The following PKNOX1 variants were observed in gnomAD, a reference collection of about 807,000 sequenced individuals.
The protein encoded by PKNOX1 is homeobox protein PKNOX1.
Under a neutral mutation model 51.9 loss-of-function variants are expected in PKNOX1, and 15 were observed. That is an observed-to-expected ratio of 0.29 (90% CI 0.19 to 0.45). The LOEUF is 0.45. Among genes scored for constraint, PKNOX1 ranks in the 20% least tolerant of loss-of-function variants. PKNOX1 has a pLI of 1.00. For synonymous variants in PKNOX1, 219 were observed against 211.1 expected, an observed-to-expected ratio of 1.04 and a Z score of -0.32; for missense variants, 462 against 547.5, an observed-to-expected ratio of 0.84 and a Z score of 1.56.
rs1375221802 is a variant in PKNOX1, at chr21:43,031,517, T to C, written c.*1416T>C. ...GAGAGTGGGCTGGGTTCTGTTTTCT[T>C]TGGTTTTGATTTGTTTTCATTGTTT... On this transcript the variant is annotated 3_prime_UTR_variant, in exon 11 of 11. Transcript: ENST00000291547. 6.6e-6 allele frequency: 1 copy of C among 152,240 alleles called. No homozygotes were observed. Among genetic ancestry groups the C allele is most frequent in the African/African-American group, 2.4e-5 (1 of 41,464 alleles). The allele number at this position is 152,240 out of a possible 1,614,324, so 9.4% of individuals were successfully genotyped here. A position where few individuals can be genotyped will look rare whatever the true frequency, so the allele number is the denominator to read the frequency against.
At chr21:43,007,988 G>A (rs192101034) in intron 3 of PKNOX1, among the ~76,000 whole-genome samples, 6 of 151,470 alleles carry the variant, frequency 4.0e-5, no homozygotes, top group Non-Finnish European at 7.4e-5. Flanking sequence ...CACTTGAACC[G>A]GGGAGGCGGA....
chr21:43,011,698 T>C (rs747615565), intron 4 of PKNOX1, among the ~76,000 whole-genome samples: 1 of 152,226 alleles, frequency 6.6e-6, no homozygotes, highest in Non-Finnish European at 1.5e-5. Context: ...GTTAGGGCCT[T>C]CAACAGAAAA....
chr21:43,019,831 T>C (rs433510), intron 7 of PKNOX1, among the ~76,000 whole-genome samples: 135,760 of 151,686 alleles, frequency 0.9, 60,880 homozygotes, highest in Non-Finnish European at 0.92. Context: ...CGTGAGCTAC[T>C]GCACCCAGCT....
At chr21:43,015,011 C>T (rs1255918808) in intron 5 of PKNOX1, among the ~76,000 whole-genome samples, 1 of 152,246 alleles carries the variant, frequency 6.6e-6, no homozygotes, top group East Asian at 1.9e-4. Context: ...TGGCATGTCT[C>T]TCCATTGATT....
chr21:42,996,559 T>A (rs1444886358), intron 1 of PKNOX1, among the ~76,000 whole-genome samples: 2 of 151,668 alleles, frequency 1.3e-5, no homozygotes, highest in African/African-American at 4.9e-5. Context: ...AGTCTCACCA[T>A]GGACAGTTCT....
At chr21:43,001,757 G>T (rs954694264) in intron 1 of PKNOX1, among the ~76,000 whole-genome samples, 1 of 151,948 alleles carries the variant, frequency 6.6e-6, no homozygotes, top group Non-Finnish European at 1.5e-5. Flanking sequence ...TCAGGAGATC[G>T]AGACCGTCCT....
rs1190702034 is a variant in PKNOX1 at position 43,021,128 on chromosome 21, C to A, written c.721-175C>A. On this transcript the variant is annotated intron_variant, in intron 7 of 10. Coordinates refer to ENST00000291547, the MANE Select transcript of PKNOX1 (RefSeq NM_004571.5). The surrounding 1 kb of genome is among the most constrained non-coding windows in gnomAD (Gnocchi z 4.6). ...TGTCTCAAAAAAAAGAAAGGCTGGT[C>A]ATGTGGAGGGAGCCGTGTCCTGAAA... 8.6e-6 allele frequency: 4 copies of A among 464,444 alleles called. No individual in the cohort carries two copies. Among genetic ancestry groups the A allele is most frequent in the Non-Finnish European group, 1.6e-5 (4 of 257,872 alleles). 28.8% of individuals were successfully genotyped at this position (464,444 alleles called of 1,614,324 possible).
chr21:43,018,838 C>T (rs1339506196), intron 7 of PKNOX1, among the ~76,000 whole-genome samples: 2 of 151,982 alleles, frequency 1.3e-5, no homozygotes, highest in African/African-American at 2.4e-5. Flanking sequence ...GTCTGTAATC[C>T]CAGTACTTTG....
intron 1 of PKNOX1, among the ~76,000 whole-genome samples, chr21:42,994,161 C>T (rs1368761266): frequency 6.8e-6 from 1 of 146,824 alleles, no homozygotes; most frequent in African/African-American, 2.5e-5. Context: ...CTGCCTCAGC[C>T]TCTCAAGCAG....
intron 7 of PKNOX1, among the ~76,000 whole-genome samples, chr21:43,019,925 ATTTTTTTTTTT>A (rs60174298): frequency 2.3e-5 from 2 of 85,888 alleles, no homozygotes; most frequent in South Asian, 8.4e-4. Flanking sequence ...AGGTGCTCTG[ATTTTTTTTTTT>A]TTTTTTTTTT....
rs1293153991 is a variant in PKNOX1 at position 43,030,831 on chromosome 21, A to T, written c.*730A>T. On this transcript the variant is annotated 3_prime_UTR_variant, in exon 11 of 11. Transcript: ENST00000291547. ...GTTCTGAATTGACCAAATTTAATGA[A>T]CCTGCCCAAAGTTAGCTACCGTTCC... 3 of 152,210 alleles carry T rather than the reference A, an allele frequency of 2.0e-5. No individual in the cohort carries two copies. The highest frequency in any genetic ancestry group is 4.4e-5 in the Non-Finnish European group (3 of 68,034). 9.4% of individuals were successfully genotyped at this position (152,210 alleles called of 1,614,324 possible). A position where few individuals can be genotyped will look rare whatever the true frequency, so the allele number is the denominator to read the frequency against.
At chr21:42,988,060 G>GT (rs747223822) in intron 1 of PKNOX1, among the ~76,000 whole-genome samples, 36 of 99,160 alleles carry the variant, frequency 3.6e-4, no homozygotes, top group Non-Finnish European at 3.8e-4. Flanking sequence ...TTTTGTTTTT[G>GT]TTTTTGTTTT....
At chr21:42,993,627 G>A (rs1367411811) in intron 1 of PKNOX1, among the ~76,000 whole-genome samples, 1 of 134,996 alleles carries the variant, frequency 7.4e-6, no homozygotes, top group African/African-American at 2.8e-5. Flanking sequence ...CTGTGGGTCT[G>A]TTCCTGTATG....
chr21:43,018,047 C>CAA (rs60175567), intron 6 of PKNOX1, 86 bp from the exon 7 acceptor site: 21,320 of 270,434 alleles, frequency 0.079, 162 homozygotes, highest in South Asian at 0.093. Context: ...CCTGTCTCTA[C>CAA]AAAAAAAAAA....
chr21:43,029,018 A>G (rs1327372613), intron 10 of PKNOX1, 144 bp downstream of exon 10: 4 of 775,732 alleles, frequency 5.2e-6, no homozygotes, highest in Admixed American at 4.3e-5. Flanking sequence ...CAACTAAAAC[A>G]TGAGGAAGCT....
At chr21:42,998,873 G>T (rs1030740234) in intron 1 of PKNOX1, among the ~76,000 whole-genome samples, 1 of 152,178 alleles carries the variant, frequency 6.6e-6, no homozygotes, top group Non-Finnish European at 1.5e-5. Flanking sequence ...GCTTTTCCAG[G>T]TGCATGGTGC....
Position 43,032,339 on chromosome 21 carries a change from G to GTCCCTCACCACCCTCCGTCTCTTCT in PKNOX1, c.*2238_*2239insTCCCTCACCACCCTCCGTCTCTTCT. On this transcript the variant is annotated 3_prime_UTR_variant, in exon 11 of 11. Coordinates refer to ENST00000291547, the MANE Select transcript of PKNOX1 (RefSeq NM_004571.5). ...TTCCCTCACCACCCTCCGTCTCTTC[G>GTCCCTCACCACCCTCCGTCTCTTCT]GCTGCTTGCTCTTTAGTGTAGATTA... The GTCCCTCACCACCCTCCGTCTCTTCT allele has an allele frequency of 2.5e-6, 1 of 396,840 alleles. No homozygotes were observed. The allele number at this position is 396,840 out of a possible 1,614,324, so 24.6% of individuals were successfully genotyped here. A position where few individuals can be genotyped will look rare whatever the true frequency, so the allele number is the denominator to read the frequency against.
Position 43,021,475 on chromosome 21 carries a change from C to G in PKNOX1, c.849+44C>G, listed in dbSNP as rs377634723. On this transcript the variant is annotated intron_variant, in intron 8 of 10. Coordinates refer to ENST00000291547, the MANE Select transcript of PKNOX1 (RefSeq NM_004571.5). The surrounding 1 kb of genome is among the most constrained non-coding windows in gnomAD (Gnocchi z 4.6). ...GCCCTTGCCTTGCAGCCCTCTGCGA[C>G]GCTTGCTCTCTGGCTTATGTGTCAT... 12 of 1,543,712 alleles carry G rather than the reference C, an allele frequency of 7.8e-6. No homozygotes were observed. The highest frequency in any genetic ancestry group is 1.4e-5 in the African/African-American group (1 of 72,240).
At chr21:43,014,736 T>G (rs1979412742) in intron 5 of PKNOX1, among the ~76,000 whole-genome samples, 1 of 152,232 alleles carries the variant, frequency 6.6e-6, no homozygotes, top group Non-Finnish European at 1.5e-5. Context: ...CCATTTTGCA[T>G]TTAAATCCGT....
Sources: allele counts gnomAD v4.1 joint callset (sites outside exome capture counted in the v4.1 genomes callset), GRCh38; gene constraint gnomAD v4.1.1; non-coding constraint Gnocchi (gnomAD v3.1); transcripts MANE v1.5; gene names NCBI Gene and HGNC (gene_info 2026-07-23, HGNC 2026-07-21).